Variants in MYH8 observed in about 807,000 individuals in gnomAD.
MYH8 encodes myosin heavy chain 8.
MYH8 carries 168 observed loss-of-function variants against 233.2 expected under a neutral mutation model. That is an observed-to-expected ratio of 0.72 (90% CI 0.64 to 0.82). MYH8 has a LOEUF of 0.82. Ranked by LOEUF, MYH8 falls within the 40% of genes least tolerant of loss-of-function variation. MYH8 has a pLI of 0.00. For synonymous variants in MYH8, 785 were observed against 850.6 expected (o/e 0.92, Z 1.34); for missense variants, 1,995 against 2,327.8 (o/e 0.86, Z 2.94).
chr17:10,416,474 G>A (rs1461538794), intron 5 of MYH8, among the ~76,000 whole-genome samples: 1 of 152,174 alleles, frequency 6.6e-6, no homozygotes, highest in African/African-American at 2.4e-5. Context: ...ATACTCAGAA[G>A]TAGAATTGTG....
At position 10,401,421 on chromosome 17, in the gene MYH8, G is replaced by A; in HGVS notation, c.2962C>T (p.Leu988=). 1.2e-6 allele frequency: 2 copies of A among 1,613,974 alleles called. No individual in the cohort carries two copies. Among genetic ancestry groups the A allele is most frequent in the Non-Finnish European group, 1.7e-6 (2 of 1,180,014 alleles). The change falls in exon 24 of 40, where the codon CTG becomes TTG. Residue 988 remains leucine, a synonymous_variant. Transcript: ENST00000403437. ...GACAGTTTTGCAATGGTTTCATCCA[G>A]GCCTGCCATCTCTTCTGTAAGATTT... is the stretch of plus-strand genomic sequence containing the variant. ...VKNLTEEMAG[L]DETIAKLSKE... is the part of the protein sequence containing the mutation.
At position 10,401,554 on chromosome 17, in the gene MYH8, T is replaced by C. The variant is rs151035575; in HGVS notation, c.2920A>G (p.Thr974Ala). Residue 974 changes from threonine to alanine, a missense_variant, in exon 23 of 40, where the codon ACG (threonine) becomes GCG (alanine). Transcript: ENST00000403437. ...LAKVEKEKHATENKVKNLTEE... is the reference protein window; with the variant it reads ...LAKVEKEKHAAENKVKNLTEE... Reference sequence around the variant, plus strand: ...AATATGACTGATACCTTGTTCTCCGTGGCATGTTTCTCCTTCTCAACCTTG... The same window carrying C: ...AATATGACTGATACCTTGTTCTCCGCGGCATGTTTCTCCTTCTCAACCTTG... 1 of 1,614,200 alleles carries C rather than the reference T, an allele frequency of 6.2e-7. No homozygotes were observed. Among genetic ancestry groups the C allele is most frequent in the Non-Finnish European group, 8.5e-7 (1 of 1,180,044 alleles).
chr17:10,420,398 T>C, intron 2 of MYH8, 141 bp from the exon 3 acceptor site: 1 of 759,978 alleles, frequency 1.3e-6, no homozygotes, highest in Admixed American at 2.1e-5. Context: ...TGTTCTAACA[T>C]AGTCTAAAGG....
intron 33 of MYH8, among the ~76,000 whole-genome samples, chr17:10,395,704 T>G (rs1163858916): frequency 6.6e-6 from 1 of 152,062 alleles, no homozygotes; most frequent in Non-Finnish European, 1.5e-5. Context: ...AATTCATGTA[T>G]AGTAAATATA....
At position 10,401,528 on chromosome 17, in the gene MYH8, A is replaced by G; in HGVS notation, c.2931+15T>C. 6.2e-7 allele frequency: 1 copy of G among 1,614,156 alleles called. No homozygotes were observed. Among genetic ancestry groups the G allele is most frequent in the Non-Finnish European group, 8.5e-7 (1 of 1,180,026 alleles). ...GGCAGAACCTCTATACAGTATTGTA[A>G]AATATGACTGATACCTTGTTCTCCG... On this transcript the variant is annotated intron_variant, in intron 23 of 39. Transcript: ENST00000403437.
At chr17:10,398,398 C>G (rs766717784) in intron 30 of MYH8, 46 bp downstream of exon 30, 8 of 1,613,486 alleles carry the variant, frequency 5.0e-6, no homozygotes, top group South Asian at 1.1e-5. Flanking sequence ...TCATAAATAT[C>G]ACAGCTGCTT....
Position 10,392,024 on chromosome 17 carries a change from G to C in MYH8, c.5569-47C>G, listed in dbSNP as rs768460789. 10 of 1,480,086 alleles carry C rather than the reference G, an allele frequency of 6.8e-6. No homozygotes were observed. The East Asian group carries it at 1.1e-4, about 17-fold the overall frequency. The allele number at this position is 1,480,086 out of a possible 1,614,324, so 91.7% of individuals were successfully genotyped here. A position where few individuals can be genotyped will look rare whatever the true frequency, so the allele number is the denominator to read the frequency against. On this transcript the variant is annotated intron_variant, in intron 38 of 39. Coordinates refer to ENST00000403437, the MANE Select transcript of MYH8 (RefSeq NM_002472.3). ...TCTGCATTCATTCCGAAGAGATAAG[G>C]CTACTCTGGGTACTAAAATAAAATC...
Position 10,420,067 on chromosome 17 carries a change from A to T in MYH8, c.161T>A (p.Ile54Lys). Residue 54 changes from isoleucine (I) to lysine (K), a missense_variant, in exon 3 of 40, where the codon ATA (isoleucine) becomes AAA (lysine). This residue lies in a region of MYH8 where 479 missense variants were observed against 600.9 expected (regional missense o/e 0.80). Transcript: ENST00000403437. ...EPKESYVKST[I>K]QSKEGGKVTV... ...TACTTTCCCTCCTTCTTTGCTTTGTATAGTGCTCTTCACATAGGATTCCTT... is the reference window on the plus strand; with the variant it reads ...TACTTTCCCTCCTTCTTTGCTTTGTTTAGTGCTCTTCACATAGGATTCCTT... 1 of 1,614,214 alleles carries T rather than the reference A, an allele frequency of 6.2e-7. No homozygotes were observed. Among genetic ancestry groups the T allele is most frequent in the South Asian group, 1.1e-5 (1 of 91,080 alleles).
Position 10,396,930 on chromosome 17 carries a change from G to T in MYH8, c.4235C>A (p.Ala1412Asp), listed in dbSNP as rs750806957. The T allele has an allele frequency of 6.2e-7, 1 of 1,614,022 alleles. No individual in the cohort carries two copies. The highest frequency in any genetic ancestry group is 1.3e-5 in the African/African-American group (1 of 74,902). ...CGTCTTCTCAAGGGAAGCACATTTG[G>T]CGTTCACAGCTTCTACATGTTCCTC... ...EAEEHVEAVN[A>D]KCASLEKTKQ... is the part of the protein sequence containing the mutation. Residue 1412 changes from alanine (A) to aspartate (D), a missense_variant, in exon 31 of 40, where the codon GCC becomes GAC. Around this residue, in one of 3 missense-constraint regions of MYH8, gnomAD observed 1,498 missense variants for 1,680.9 expected, o/e 0.89. Coordinates refer to ENST00000403437, the MANE Select transcript of MYH8 (RefSeq NM_002472.3). This position sits in a 1 kb window ranked among gnomAD's most constrained non-coding sequence, Gnocchi z 4.2.
chr17:10,412,246 T>A (rs2072249697), intron 14 of MYH8, 124 bp downstream of exon 14: 2 of 1,584,872 alleles, frequency 1.3e-6, no homozygotes, highest in Admixed American at 3.4e-5. Context: ...GGAGATAACC[T>A]TTGTTCTAGG....
At chr17:10,421,359 T>C (rs2142194492) in intron 2 of MYH8, among the ~76,000 whole-genome samples, 1 of 152,302 alleles carries the variant, frequency 6.6e-6, no homozygotes, top group South Asian at 2.1e-4. Flanking sequence ...TGCTTTGCCA[T>C]AGAAGAAGAC....
chr17:10,419,356 C>T lies in MYH8; in HGVS notation c.211-326G>A, dbSNP rs1465211197. 5.3e-5 allele frequency among the ~76,000 whole-genome samples: 8 copies of T among 152,194 alleles called. No individual in the cohort carries two copies. Among genetic ancestry groups the T allele is most frequent in the Non-Finnish European group, 1.2e-4 (8 of 68,042 alleles). The stretch of plus-strand genomic sequence containing the variant: ...TACAGGCGTGAGCCACTGCGCCTGG[C>T]TAAGACCAGTTCGTTTTAATGGTTG... On this transcript the variant is annotated intron_variant, in intron 3 of 39. Coordinates refer to ENST00000403437, the MANE Select transcript of MYH8 (RefSeq NM_002472.3). The surrounding 1 kb of genome is among the most constrained non-coding windows in gnomAD (Gnocchi z 4.0).
chr17:10,406,461 C>T (rs1219316071), intron 19 of MYH8, 64 bp from the exon 20 acceptor site: 2 of 1,601,532 alleles, frequency 1.2e-6, no homozygotes, highest in African/African-American at 2.7e-5. Flanking sequence ...AAAATGACAC[C>T]AAAAAGAAAT....
intron 28 of MYH8, 108 bp from the exon 29 acceptor site, chr17:10,398,994 G>GTATATATATATATATATATA (rs71365759): frequency 6.6e-6 from 2 of 305,198 alleles, no homozygotes; most frequent in Admixed American, 4.5e-5. Flanking sequence ...ATGTGTGTGT[G>GTATATATATATATATATATA]TATATATATA....
intron 14 of MYH8, 54 bp downstream of exon 14, chr17:10,412,316 A>G (rs1324944505): frequency 1.2e-6 from 2 of 1,613,798 alleles, no homozygotes; most frequent in Non-Finnish European, 1.7e-6. Flanking sequence ...GATAATACCT[A>G]ATATATCAAA....
rs775726808 is a variant in MYH8, at chr17:10,396,698, C to T, written c.4383G>A (p.Gln1461=). The change falls in exon 32 of 40, where the codon CAG becomes CAA. Residue 1461 remains glutamine, a synonymous_variant. Transcript: ENST00000403437. The surrounding 1 kb of genome is among the most constrained non-coding windows in gnomAD (Gnocchi z 4.2). ...GTTCAGCCTGAGTTTCCTCATACTT[C>T]TGCTTCCATTCTGATAGGACCTGAA... The part of the protein sequence containing the change: ...NFDKVLSEWK[Q]KYEETQAELE... 8.1e-6 allele frequency: 13 copies of T among 1,614,116 alleles called. No individual in the cohort carries two copies. In the East Asian group the frequency reaches 2.9e-4, roughly 36 times the overall value.
chr17:10,411,795 G>A (rs115953454), intron 14 of MYH8, among the ~76,000 whole-genome samples: 65 of 152,270 alleles, frequency 4.3e-4, no homozygotes, highest in African/African-American at 1.5e-3. Context: ...TGTGAAAGCA[G>A]GGACCTGATA....
rs774101833 is a variant in MYH8 at position 10,419,004 on chromosome 17, G to A, written c.237C>T (p.Val79=). 1 of 1,614,174 alleles carries A rather than the reference G, an allele frequency of 6.2e-7. No individual in the cohort carries two copies. Among genetic ancestry groups the A allele is most frequent in the Admixed American group, 1.7e-5 (1 of 60,026 alleles). The part of the protein sequence containing the change: ...GATLTVREDQ[V]FPMNPPKYDK... Reference sequence around the variant, plus strand: ...CATATTTCGGAGGGTTCATAGGGAAGACTTGGTCTTCCCTGACAGTTAGAG... The same window carrying A: ...CATATTTCGGAGGGTTCATAGGGAAAACTTGGTCTTCCCTGACAGTTAGAG... The change falls in exon 4 of 40, where the codon GTC becomes GTT. Residue 79 remains valine (V), a synonymous_variant. Coordinates refer to ENST00000403437, the MANE Select transcript of MYH8 (RefSeq NM_002472.3). This position sits in a 1 kb window ranked among gnomAD's most constrained non-coding sequence, Gnocchi z 4.0.
intron 18 of MYH8, 32 bp from the exon 19 acceptor site, chr17:10,406,839 C>T (rs779832874): frequency 4.3e-6 from 7 of 1,612,934 alleles, no homozygotes; most frequent in Non-Finnish European, 5.9e-6. Context: ...TATTAGTGGG[C>T]ATTTAACTTT....
Sources: gnomAD v4.1 joint callset for allele counts (sites outside exome capture counted in the v4.1 genomes callset) on GRCh38, gnomAD v4.1.1 for gene constraint, gnomAD v4.1.1 regional missense constraint, Gnocchi (gnomAD v3.1) non-coding constraint, MANE v1.5 for transcripts, NCBI Gene and HGNC (gene_info 2026-07-23, HGNC 2026-07-21) for gene names.